Variants in TSC22D2 observed in about 807,000 individuals in gnomAD.
TSC22D2 encodes the protein TSC22 domain family member 2.
TSC22D2 carries 5 observed loss-of-function variants against 50.1 expected under a neutral mutation model. The ratio of observed to expected loss-of-function variants is 0.10; its 90% CI spans 0.05 to 0.21. The LOEUF (loss-of-function observed/expected upper bound fraction) is 0.21, where lower values mean the gene tolerates loss of function less well. Among genes scored for constraint, TSC22D2 ranks in the 10% least tolerant of loss-of-function variants. The pLI is 1.00. For synonymous variants in TSC22D2, 501 were observed against 450.1 expected (o/e 1.11, Z -1.43); for missense variants, 1,003 against 1,015.5 (o/e 0.99, Z 0.17).
chr3:150,440,184 C>T (rs1042018284), intron 1 of TSC22D2, among the ~76,000 whole-genome samples: 2 of 152,044 alleles, frequency 1.3e-5, no homozygotes, highest in African/African-American at 4.8e-5. Flanking sequence ...CTGACTGGAA[C>T]CTGGGTATCA....
intron 1 of TSC22D2, among the ~76,000 whole-genome samples, chr3:150,428,671 C>T (rs1321575793): frequency 6.6e-6 from 1 of 151,394 alleles, no homozygotes; most frequent in Admixed American, 6.6e-5. Flanking sequence ...ACAGTGCTGC[C>T]ACAAAAACTA....
At chr3:150,426,305 T>G (rs950026188) in intron 1 of TSC22D2, among the ~76,000 whole-genome samples, 3 of 152,186 alleles carry the variant, frequency 2.0e-5, no homozygotes, top group Non-Finnish European at 4.4e-5. Flanking sequence ...CATTTGAGAA[T>G]AGTAACTTTA....
intron 1 of TSC22D2, among the ~76,000 whole-genome samples, chr3:150,427,199 T>C (rs778870648): frequency 6.6e-6 from 1 of 152,154 alleles, no homozygotes; most frequent in Non-Finnish European, 1.5e-5. Context: ...TTGTAAAATT[T>C]TTTTATTGAA....
rs1177969193 is a variant in TSC22D2 at position 150,461,300 on chromosome 3, A to G, written c.*2664A>G. 1 of 151,928 alleles carries G rather than the reference A, an allele frequency of 6.6e-6. No homozygotes were observed. The allele number at this position is 151,928 out of a possible 1,614,324, so 9.4% of individuals were successfully genotyped here. A position where few individuals can be genotyped will look rare whatever the true frequency, so the allele number is the denominator to read the frequency against. On this transcript the variant is annotated 3_prime_UTR_variant, in exon 3 of 3. Transcript: ENST00000688009. The stretch of plus-strand genomic sequence containing the variant: ...CTACTGTCAACCCTTCCCCCAGCTG[A>G]TTGTTTAGGATCTTAAGTAACTTCC...
At chr3:150,447,275 G>C (rs567596261) in intron 1 of TSC22D2, among the ~76,000 whole-genome samples, 27 of 152,142 alleles carry the variant, frequency 1.8e-4, no homozygotes, top group Admixed American at 3.3e-4. Flanking sequence ...TTCTTCCCAA[G>C]CCCATCTTTT....
chr3:150,458,285 G>A (rs1454350304), intron 2 of TSC22D2, 91 bp from the exon 3 acceptor site: 78 of 1,308,980 alleles, frequency 6.0e-5, no homozygotes, highest in Non-Finnish European at 7.5e-5. Flanking sequence ...AGGAAAACTA[G>A]TATAAAAACT....
Position 150,458,696 on chromosome 3 carries a change from G to A in TSC22D2, c.*60G>A. 2 of 1,590,164 alleles carry A rather than the reference G, an allele frequency of 1.3e-6. No individual in the cohort carries two copies. The highest frequency in any genetic ancestry group is 1.7e-4 in the Middle Eastern group (1 of 5,904). ...AGCAATCTATCCTTGTGTGCCACTGGTGTTCTTTCCACTTTATACGAAAGC... is the reference window on the plus strand; with the variant it reads ...AGCAATCTATCCTTGTGTGCCACTGATGTTCTTTCCACTTTATACGAAAGC... On this transcript the variant is annotated 3_prime_UTR_variant, in exon 3 of 3. Coordinates refer to ENST00000688009, the MANE Select transcript of TSC22D2 (RefSeq NM_001303264.2).
intron 1 of TSC22D2, among the ~76,000 whole-genome samples, chr3:150,420,134 A>G (rs555321085): frequency 1.3e-5 from 2 of 152,144 alleles, no homozygotes; most frequent in East Asian, 3.9e-4. Context: ...TAATCTCCTC[A>G]ATTTTATGCC....
intron 1 of TSC22D2, among the ~76,000 whole-genome samples, chr3:150,423,797 A>G (rs9826729): frequency 0.4 from 61,561 of 152,042 alleles, 12,578 homozygotes; most frequent in Middle Eastern, 0.54. Context: ...GCTCTGTTCA[A>G]TCGTTTTGCT....
At chr3:150,415,395 T>C (rs1719763583) in intron 1 of TSC22D2, among the ~76,000 whole-genome samples, 1 of 152,232 alleles carries the variant, frequency 6.6e-6, no homozygotes, top group African/African-American at 2.4e-5. Flanking sequence ...GTTTTTTCTT[T>C]TTAGGAGATC....
intron 1 of TSC22D2, among the ~76,000 whole-genome samples, chr3:150,413,114 C>A (rs1015724828): frequency 8.5e-5 from 13 of 152,118 alleles, no homozygotes; most frequent in Non-Finnish European, 1.5e-5. Flanking sequence ...GATGATAAGG[C>A]ATGAAGCAGA....
In TSC22D2 at chr3:150,462,025, C is replaced by T. The variant is rs1435546756; in HGVS notation, c.*3389C>T. On this transcript the variant is annotated 3_prime_UTR_variant, in exon 3 of 3. Coordinates refer to ENST00000688009, the MANE Select transcript of TSC22D2 (RefSeq NM_001303264.2). ...ACTTTGTGACATTTCTTTAATAATC[C>T]TATGAAAAGGACAAAACCCAGCCCT... is the stretch of plus-strand genomic sequence containing the variant. The T allele has an allele frequency of 1.3e-5, 2 of 151,952 alleles. No homozygotes were observed. The highest frequency in any genetic ancestry group is 2.4e-5 in the African/African-American group (1 of 41,344). The allele number at this position is 151,952 out of a possible 1,614,324, so 9.4% of individuals were successfully genotyped here. A position where few individuals can be genotyped will look rare whatever the true frequency, so the allele number is the denominator to read the frequency against.
intron 1 of TSC22D2, chr3:150,438,305 C>T: frequency 5.3e-6 from 2 of 373,866 alleles, no homozygotes; most frequent in South Asian, 2.0e-5. Flanking sequence ...GTTATTCTAG[C>T]TTCTAAGGAC....
At chr3:150,451,772 C>T (rs10154963) in intron 1 of TSC22D2, among the ~76,000 whole-genome samples, 102,711 of 152,036 alleles carry the variant, frequency 0.68, 35,082 homozygotes, top group South Asian at 0.8. Context: ...AAATAGACAA[C>T]CATTAAGTGT....
chr3:150,445,862 G>A (rs552086744), intron 1 of TSC22D2, among the ~76,000 whole-genome samples: 5 of 152,168 alleles, frequency 3.3e-5, no homozygotes, highest in Admixed American at 2.6e-4. Flanking sequence ...TTGGGAGGCC[G>A]AGACAGGTGG....
intron 2 of TSC22D2, among the ~76,000 whole-genome samples, chr3:150,457,620 G>T (rs879275036): frequency 6.6e-6 from 1 of 151,996 alleles, no homozygotes. Context: ...GCAAGACCCC[G>T]TCTCTACAAA....
intron 1 of TSC22D2, among the ~76,000 whole-genome samples, chr3:150,443,077 A>AT (rs1720769590): frequency 1.3e-5 from 2 of 152,192 alleles, no homozygotes; most frequent in South Asian, 2.1e-4. Flanking sequence ...TTTAATGGTC[A>AT]TTTATTCTAA....
At chr3:150,442,305 T>G (rs1290496478) in intron 1 of TSC22D2, among the ~76,000 whole-genome samples, 3 of 152,222 alleles carry the variant, frequency 2.0e-5, no homozygotes, top group Admixed American at 1.3e-4. Context: ...AATTGTAAAC[T>G]CACAAACTCT....
In TSC22D2 at chr3:150,458,603, A is replaced by G. The variant is rs1426589031; in HGVS notation, c.2238A>G (p.Gln746=). ...TAGCACAGCCTCCGCAGCCAACGCA[A>G]CCTCCACAGCAGCCGAATGTCTCCT... ...AVIAQPPQPT[Q]PPQQPNVSSA The change falls in exon 3 of 3, where the codon CAA becomes CAG. Residue 746 remains glutamine (Q), a synonymous_variant. Transcript: ENST00000688009. 5.0e-6 allele frequency: 8 copies of G among 1,613,970 alleles called. No individual in the cohort carries two copies. Among genetic ancestry groups the G allele is most frequent in the Middle Eastern group, 1.6e-4 (1 of 6,084 alleles).
Sources: gnomAD v4.1 joint callset for allele counts (sites outside exome capture counted in the v4.1 genomes callset) on GRCh38, gnomAD v4.1.1 for gene constraint, MANE v1.5 for transcripts, NCBI Gene and HGNC (gene_info 2026-07-23, HGNC 2026-07-21) for gene names.